Variants in SPIRE2 observed in about 807,000 individuals in gnomAD.
SPIRE2 encodes the protein protein spire homolog 2.
SPIRE2 carries 76 observed loss-of-function variants against 80.7 expected under a neutral mutation model. That is an observed-to-expected ratio of 0.94 (90% CI 0.78 to 1.14). SPIRE2 has a LOEUF of 1.14. SPIRE2 is among the 50% of genes most tolerant of loss of function. The probability of loss-of-function intolerance (pLI) is 0.00; values close to 1 mark genes in which losing one functional copy is unlikely to be tolerated. For missense variants in SPIRE2, 1,196 were observed against 1,015.3 expected (o/e 1.18, Z -2.42); for synonymous variants, 535 against 432.6 (o/e 1.24, Z -2.94).
chr16:89,828,614 C>T lies in SPIRE2; in HGVS notation c.64C>T (p.Leu22=). 7.7e-7 allele frequency: 1 copy of T among 1,298,626 alleles called. No individual in the cohort carries two copies. Among genetic ancestry groups the T allele is most frequent in the Non-Finnish European group, 9.9e-7 (1 of 1,012,538 alleles). The allele number at this position is 1,298,626 out of a possible 1,614,324, so 80.4% of individuals were successfully genotyped here. A position where few individuals can be genotyped will look rare whatever the true frequency, so the allele number is the denominator to read the frequency against. ...CGCAGGGCGGCCGGAGCCCTGGGAG[C>T]TGTCCCTGGAGGAGGTGCTGAAGGC... ...AGAGRPEPWE[L]SLEEVLKAYE... The change falls in exon 1 of 15, where the codon CTG becomes TTG. Residue 22 remains leucine, a synonymous_variant. Coordinates refer to ENST00000378247, the MANE Select transcript of SPIRE2 (RefSeq NM_032451.2). This position sits in a 1 kb window ranked among gnomAD's most constrained non-coding sequence, Gnocchi z 5.9.
chr16:89,841,889 C>T (rs780847062), intron 1 of SPIRE2, among the ~76,000 whole-genome samples: 9 of 151,816 alleles, frequency 5.9e-5, no homozygotes, highest in South Asian at 4.2e-4. Context: ...CCACCATGCC[C>T]GGCTAATTTT....
rs373894738 is a variant in SPIRE2 at position 89,850,325 on chromosome 16, G to T, written c.310G>T (p.Ala104Ser). ...EAQTVQSLGF[A>S]IYRALDWGLD... ...GCAGACCGTGCAGTCCCTCGGCTTCGCCATCTACCGCGCGCTGGACTGGGG... is the reference window on the plus strand; with the variant it reads ...GCAGACCGTGCAGTCCCTCGGCTTCTCCATCTACCGCGCGCTGGACTGGGG... Residue 104 changes from alanine (A) to serine (S), a missense_variant, in exon 3 of 15, where the codon GCC (alanine) becomes TCC (serine). Physicochemically the swap from Ala to Ser is moderately conservative, Grantham distance 99. Transcript: ENST00000378247. 1.2e-6 allele frequency: 2 copies of T among 1,601,806 alleles called. No homozygotes were observed. The highest frequency in any genetic ancestry group is 1.7e-6 in the Non-Finnish European group (2 of 1,176,596).
chr16:89,863,646 C>T lies in SPIRE2; in HGVS notation c.1710+36C>T, dbSNP rs754350086. The T allele has an allele frequency of 1.5e-5, 25 of 1,613,786 alleles. No homozygotes were observed. The highest frequency in any genetic ancestry group is 1.3e-4 in the South Asian group (12 of 91,076). On this transcript the variant is annotated intron_variant, in intron 11 of 14. Coordinates refer to ENST00000378247, the MANE Select transcript of SPIRE2 (RefSeq NM_032451.2). This position sits in a 1 kb window ranked among gnomAD's most constrained non-coding sequence, Gnocchi z 4.3. Reference sequence around the variant, plus strand: ...CTAGACGTGGGGCTACGCTCTTGCCCGCTGGGTCAGGGGCGGGTGCCGAGA... The same window carrying T: ...CTAGACGTGGGGCTACGCTCTTGCCTGCTGGGTCAGGGGCGGGTGCCGAGA...
chr16:89,860,635 C>A, intron 9 of SPIRE2, 48 bp from the exon 10 acceptor site: 2 of 1,321,976 alleles, frequency 1.5e-6, no homozygotes, highest in South Asian at 1.3e-5. Context: ...GTCCTCTTTA[C>A]CACAGCTCCT....
At chr16:89,869,053 A>T (rs371781231) in intron 13 of SPIRE2, among the ~76,000 whole-genome samples, 2,068 of 23,476 alleles carry the variant, frequency 0.088, 208 homozygotes, top group East Asian at 0.61. Context: ...AAAAAAAAAA[A>T]ATATATATAT....
At chr16:89,859,744 G>A (rs1414719769) in intron 9 of SPIRE2, among the ~76,000 whole-genome samples, 2 of 152,120 alleles carry the variant, frequency 1.3e-5, no homozygotes, top group African/African-American at 2.4e-5. Context: ...AACCTGAGCC[G>A]TGATTCCTTC....
In SPIRE2 at chr16:89,828,478, C is replaced by T. The variant is rs1235399975; in HGVS notation, c.-73C>T. ...GCTCGCGCGGGGCGGGGCGGCCAGG[C>T]TGACCCTGCGCGGCGGAAGGCGCGG... On this transcript the variant is annotated 5_prime_UTR_variant, in exon 1 of 15. Transcript: ENST00000378247. The surrounding 1 kb of genome is among the most constrained non-coding windows in gnomAD (Gnocchi z 5.9). 45 of 980,208 alleles carry T rather than the reference C, an allele frequency of 4.6e-5. No homozygotes were observed. The South Asian group carries it at 1.8e-3, about 39-fold the overall frequency. The allele number at this position is 980,208 out of a possible 1,614,324, so 60.7% of individuals were successfully genotyped here.
intron 1 of SPIRE2, among the ~76,000 whole-genome samples, chr16:89,841,183 C>CAA (rs757371405): frequency 6.2e-5 from 7 of 112,002 alleles, no homozygotes; most frequent in African/African-American, 9.9e-5. Flanking sequence ...CACCTTGTTT[C>CAA]AAAAAAAAAA....
chr16:89,840,641 T>C (rs1338468372), intron 1 of SPIRE2, among the ~76,000 whole-genome samples: 2 of 148,492 alleles, frequency 1.3e-5, no homozygotes, highest in African/African-American at 5.0e-5. Context: ...TTCAAATTTT[T>C]TTTTTTTTTT....
intron 1 of SPIRE2, among the ~76,000 whole-genome samples, chr16:89,832,385 G>C (rs1277208529): frequency 6.6e-6 from 1 of 152,240 alleles, no homozygotes; most frequent in Non-Finnish European, 1.5e-5. Context: ...TGAGTGTTTA[G>C]TTGTTTTCTG....
chr16:89,829,037 C>A, intron 1 of SPIRE2, among the ~76,000 whole-genome samples: 1 of 152,236 alleles, frequency 6.6e-6, no homozygotes, highest in East Asian at 1.9e-4. Context: ...CCCGGACCCC[C>A]CCACCTGACG....
rs1311683402 is a variant in SPIRE2, at chr16:89,831,483, C to T, written c.244+2689C>T. Among the ~76,000 whole-genome samples the T allele has an allele frequency of 3.4e-4, 51 of 148,872 alleles. 1 individual carries two copies. Among genetic ancestry groups the T allele is most frequent in the Non-Finnish European group, 9.0e-5 (6 of 66,450 alleles). On this transcript the variant is annotated intron_variant, in intron 1 of 14. Coordinates refer to ENST00000378247, the MANE Select transcript of SPIRE2 (RefSeq NM_032451.2). ...CGCGTTCTCGGCTCACTGCAAGCTT[C>T]GCCTACTGGGTTCACGCCATTCTCC... is the stretch of plus-strand genomic sequence containing the variant.
chr16:89,854,889 C>T (rs1236728079), intron 5 of SPIRE2, among the ~76,000 whole-genome samples: 1 of 152,014 alleles, frequency 6.6e-6, no homozygotes, highest in Non-Finnish European at 1.5e-5. Context: ...GTGGAAGGTT[C>T]TGGAGGTCCA....
chr16:89,837,633 CAG>C (rs1379518522), intron 1 of SPIRE2, among the ~76,000 whole-genome samples: 10 of 152,172 alleles, frequency 6.6e-5, no homozygotes, highest in Non-Finnish European at 1.2e-4. Context: ...AGCGGGGGAT[CAG>C]GGGCACTGCT....
chr16:89,849,864 G>T, intron 2 of SPIRE2: 1 of 284,222 alleles, frequency 3.5e-6, no homozygotes, highest in Middle Eastern at 1.3e-3. Context: ...TTGAGACAGA[G>T]TCTTGCTTTG....
At chr16:89,839,716 A>G (rs1219405349) in intron 1 of SPIRE2, among the ~76,000 whole-genome samples, 1 of 152,204 alleles carries the variant, frequency 6.6e-6, no homozygotes, top group African/African-American at 2.4e-5. Context: ...TGGCCTCATC[A>G]AGATGTGTGA....
Position 89,870,261 on chromosome 16 carries a change from G to A in SPIRE2, c.2134G>A (p.Asp712Asn), listed in dbSNP as rs1407089660. 6.3e-7 allele frequency: 1 copy of A among 1,591,768 alleles called. No individual in the cohort carries two copies. The highest frequency in any genetic ancestry group is 1.8e-5 in the Admixed American group (1 of 56,562). Residue 712 changes from aspartate to asparagine, a missense_variant, in exon 15 of 15, where the codon GAC becomes AAC. Coordinates refer to ENST00000378247, the MANE Select transcript of SPIRE2 (RefSeq NM_032451.2). Reference sequence around the variant, plus strand: ...CTACATCCCTAACACCAGGACTCTTGACTTCAAGTGACAGCCCCAGGTGGC... The same window carrying A: ...CTACATCCCTAACACCAGGACTCTTAACTTCAAGTGACAGCCCCAGGTGGC... ...SLYIPNTRTL[D>N]FK
chr16:89,844,628 C>T (rs912872829), intron 1 of SPIRE2, among the ~76,000 whole-genome samples: 3 of 152,074 alleles, frequency 2.0e-5, no homozygotes, highest in Non-Finnish European at 2.9e-5. Flanking sequence ...TTAGTACAGA[C>T]GGGGTTTCAC....
At chr16:89,841,358 C>T (rs1350053252) in intron 1 of SPIRE2, among the ~76,000 whole-genome samples, 1 of 152,104 alleles carries the variant, frequency 6.6e-6, no homozygotes, top group Non-Finnish European at 1.5e-5. Flanking sequence ...AATCTGGGGT[C>T]CTTACTGCCT....
Sources: allele counts gnomAD v4.1 joint callset (sites outside exome capture counted in the v4.1 genomes callset), GRCh38; gene constraint gnomAD v4.1.1; non-coding constraint Gnocchi (gnomAD v3.1); transcripts MANE v1.5; gene names NCBI Gene and HGNC (gene_info 2026-07-23, HGNC 2026-07-21).